Variants in DPP10 observed in about 807,000 individuals in gnomAD.
DPP10 encodes inactive dipeptidyl peptidase 10.
In DPP10, 33 loss-of-function variants were observed where a neutral mutation model predicts 120.9. That is an observed-to-expected ratio of 0.27 (90% CI 0.21 to 0.37). The LOEUF is 0.37. DPP10 is among the 10% of genes least tolerant of loss of function. DPP10 has a pLI of 1.00. For missense variants in DPP10, 816 were observed against 942.8 expected, an observed-to-expected ratio of 0.87 and a Z score of 1.76; for synonymous variants, 337 against 326.1, an observed-to-expected ratio of 1.03 and a Z score of -0.36.
intron 1 of DPP10, among the ~76,000 whole-genome samples, chr2:115,080,616 G>T (rs992755460): frequency 6.6e-5 from 10 of 152,132 alleles, no homozygotes; most frequent in Non-Finnish European, 1.3e-4. Flanking sequence ...AGACCATAAG[G>T]CATGCAAAGA....
chr2:115,823,620 ATGAGATTTATTTTTAGTGTT>A (rs2150069343), intron 21 of DPP10, among the ~76,000 whole-genome samples: 1 of 152,268 alleles, frequency 6.6e-6, no homozygotes, highest in South Asian at 2.1e-4. Context: ...TTGTGGATTT[ATGAGATTTATTTTTAGTGTT>A]TGGGGTTGTG....
At chr2:114,611,559 T>C (rs1471026307) in intron 1 of DPP10, among the ~76,000 whole-genome samples, 1 of 152,210 alleles carries the variant, frequency 6.6e-6, no homozygotes, top group African/African-American at 2.4e-5. Context: ...GGTAGTTTAA[T>C]ATTCTAATTG....
At chr2:115,346,164 CTATTTACG>C (rs1267038299) in intron 3 of DPP10, among the ~76,000 whole-genome samples, 1 of 152,144 alleles carries the variant, frequency 6.6e-6, no homozygotes, top group African/African-American at 2.4e-5. Flanking sequence ...GATACTTGGC[CTATTTACG>C]TATTCCTCAC....
intron 1 of DPP10, among the ~76,000 whole-genome samples, chr2:115,001,121 ATTGTCAT>A (rs1701411519): frequency 6.6e-6 from 1 of 152,194 alleles, no homozygotes; most frequent in Non-Finnish European, 1.5e-5. Context: ...CATTCTTTGT[ATTGTCAT>A]TTCAATAAAA....
At chr2:115,594,146 TC>T (rs1272388191) in intron 5 of DPP10, among the ~76,000 whole-genome samples, 2 of 152,096 alleles carry the variant, frequency 1.3e-5, no homozygotes, top group Non-Finnish European at 2.9e-5. Flanking sequence ...CAATCTTAAT[TC>T]CTCAAAGCAT....
At chr2:115,221,119 A>G (rs1030467560) in intron 1 of DPP10, among the ~76,000 whole-genome samples, 7 of 151,916 alleles carry the variant, frequency 4.6e-5, no homozygotes, top group Non-Finnish European at 1.0e-4. Context: ...TGTTTTGTAG[A>G]TGTTGCAGTT....
chr2:114,542,050 T>TTC (rs1687001603), intron 1 of DPP10, among the ~76,000 whole-genome samples: 1 of 112,518 alleles, frequency 8.9e-6, no homozygotes, highest in African/African-American at 3.1e-5. Flanking sequence ...CTTTCTTTCC[T>TTC]TTTTTTTTTT....
At chr2:115,332,298 A>C (rs2062798781) in intron 2 of DPP10, among the ~76,000 whole-genome samples, 1 of 151,860 alleles carries the variant, frequency 6.6e-6, no homozygotes, top group South Asian at 2.1e-4. Context: ...TATTGTGCGT[A>C]TTTTATTCTT....
rs550574529 is a variant in DPP10, at chr2:114,621,161, T to C, written c.60+178323T>C. On this transcript the variant is annotated intron_variant, in intron 1 of 25. Coordinates refer to ENST00000410059, the MANE Select transcript of DPP10 (RefSeq NM_020868.6). ...ATTGAAAATGAAACAAGAATCAGCATTGGACTAACACAGCTGGATGTTAGG... is the reference window on the plus strand; with the variant it reads ...ATTGAAAATGAAACAAGAATCAGCACTGGACTAACACAGCTGGATGTTAGG... Among the ~76,000 whole-genome samples, 5 of 152,174 alleles carry C rather than the reference T, an allele frequency of 3.3e-5. No individual in the cohort carries two copies. The South Asian group carries it at 6.2e-4, about 19-fold the overall frequency.
intron 3 of DPP10, among the ~76,000 whole-genome samples, chr2:115,398,819 T>C (rs1247956851): frequency 6.6e-6 from 1 of 152,190 alleles, no homozygotes; most frequent in Non-Finnish European, 1.5e-5. Context: ...ATGTTCAAAA[T>C]AAAAGTGCTA....
At chr2:115,328,344 G>C (rs1011651346) in intron 2 of DPP10, among the ~76,000 whole-genome samples, 1 of 152,012 alleles carries the variant, frequency 6.6e-6, no homozygotes, top group African/African-American at 2.4e-5. Flanking sequence ...CTCAGAAAGA[G>C]GTTTGAGAAT....
chr2:114,835,374 C>T (rs1687646228), intron 1 of DPP10: 1 of 151,936 alleles, frequency 6.6e-6, no homozygotes, highest in African/African-American at 2.4e-5. Flanking sequence ...GACATATCTA[C>T]ACACCTATTT....
chr2:115,115,379 G>A (rs2049449984), intron 1 of DPP10, among the ~76,000 whole-genome samples: 1 of 152,090 alleles, frequency 6.6e-6, no homozygotes, highest in Non-Finnish European at 1.5e-5. Flanking sequence ...TTACCTTTAT[G>A]GTTGTGTTGA....
rs531212221 is a variant in DPP10, at chr2:115,590,257, T to A, written c.441+64285T>A. Reference sequence around the variant, plus strand: ...TATGTATACATGTGCCATGTTGGTGTGCCGCACCTGTTACCTCGTCATTTA... The same window carrying A: ...TATGTATACATGTGCCATGTTGGTGAGCCGCACCTGTTACCTCGTCATTTA... On this transcript the variant is annotated intron_variant, in intron 5 of 25. Transcript: ENST00000410059. Among the ~76,000 whole-genome samples the A allele has an allele frequency of 5.3e-5, 8 of 151,824 alleles. No individual in the cohort carries two copies. In the South Asian group the frequency reaches 1.7e-3, roughly 32 times the overall value.
chr2:115,505,173 A>G (rs1265127529), intron 4 of DPP10, among the ~76,000 whole-genome samples: 1 of 152,096 alleles, frequency 6.6e-6, no homozygotes, highest in Non-Finnish European at 1.5e-5. Flanking sequence ...TTTATTATGC[A>G]TATTGTTAAA....
chr2:115,633,705 G>C (rs1320383298), intron 5 of DPP10, among the ~76,000 whole-genome samples: 1 of 152,066 alleles, frequency 6.6e-6, no homozygotes, highest in East Asian at 1.9e-4. Flanking sequence ...TTCTCTGGCT[G>C]CCTTTAACAT....
chr2:114,898,171 A>G (rs1361215633), intron 1 of DPP10, among the ~76,000 whole-genome samples: 1 of 152,252 alleles, frequency 6.6e-6, no homozygotes, highest in East Asian at 1.9e-4. Flanking sequence ...TGCAGCCATA[A>G]GAAATGATGA....
chr2:115,591,863 T>A (rs562350667), intron 5 of DPP10, among the ~76,000 whole-genome samples: 1 of 152,310 alleles, frequency 6.6e-6, no homozygotes, highest in East Asian at 1.9e-4. Flanking sequence ...CTTGAAGAGG[T>A]CCTTCACATC....
At chr2:115,407,693 C>G (rs1044041034) in intron 3 of DPP10, among the ~76,000 whole-genome samples, 1 of 151,984 alleles carries the variant, frequency 6.6e-6, no homozygotes, top group Admixed American at 6.5e-5. Flanking sequence ...AATACTTTTA[C>G]CTTTTTGCCA....
Sources: allele counts gnomAD v4.1 joint callset (sites outside exome capture counted in the v4.1 genomes callset), GRCh38; gene constraint gnomAD v4.1.1; transcripts MANE v1.5; gene names NCBI Gene and HGNC (gene_info 2026-07-23, HGNC 2026-07-21).